The following NTRK1 variants were observed in gnomAD, a reference collection of about 807,000 sequenced individuals.
NTRK1 encodes the protein high affinity nerve growth factor receptor.
Under a neutral mutation model 86.8 loss-of-function variants are expected in NTRK1, and 62 were observed. The ratio of observed to expected loss-of-function variants is 0.71; its 90% CI spans 0.58 to 0.88. The LOEUF (loss-of-function observed/expected upper bound fraction) is 0.88, where lower values mean the gene tolerates loss of function less well. NTRK1 is among the 40% of genes least tolerant of loss of function. The pLI is 0.00. For missense variants in NTRK1, 967 were observed against 1,078.4 expected (o/e 0.90, Z 1.45); for synonymous variants, 469 against 456.6 (o/e 1.03, Z -0.35).
rs1220748773 is a variant in NTRK1 at position 156,864,841 on chromosome 1, A to T, written c.359+42A>T. Reference sequence around the variant, plus strand: ...CTGGGCAGTGGGAGTTGGGGAGGACACCCAGACTTGGGCTGCTAATGGGCT... The same window carrying T: ...CTGGGCAGTGGGAGTTGGGGAGGACTCCCAGACTTGGGCTGCTAATGGGCT... On this transcript the variant is annotated intron_variant, in intron 3 of 16. Coordinates refer to ENST00000524377, the MANE Select transcript of NTRK1 (RefSeq NM_002529.4). 3 of 1,584,198 alleles carry T rather than the reference A, an allele frequency of 1.9e-6. No individual in the cohort carries two copies. In the Admixed American group the frequency reaches 5.3e-5, roughly 28 times the overall value.
At chr1:156,846,198 G>A in intron 2 of NTRK1, 1 of 1,405,298 alleles carries the variant, frequency 7.1e-7, no homozygotes, top group Non-Finnish European at 9.5e-7. Context: ...CCTCCTTTCT[G>A]GGGTCCAACA....
chr1:156,855,950 T>C (rs1426835614), upstream of NTRK1, among the ~76,000 whole-genome samples: 1 of 151,994 alleles, frequency 6.6e-6, no homozygotes, highest in Non-Finnish European at 1.5e-5. Context: ...TGTATGTGTA[T>C]AATATTTTGA....
intron 2 of NTRK1, chr1:156,845,629 T>C: frequency 6.6e-7 from 1 of 1,512,588 alleles, no homozygotes; most frequent in Non-Finnish European, 8.9e-7. Flanking sequence ...ATGGGGATGG[T>C]GATCGCGTTG....
intron 2 of NTRK1, chr1:156,843,007 A>G: frequency 6.2e-7 from 1 of 1,611,514 alleles, no homozygotes. Flanking sequence ...CCCTTACCAC[A>G]TGGTGACACT....
rs6337 is a variant in NTRK1 at position 156,879,203 on chromosome 1, C to T, written c.1887C>T (p.Ala629=). The T allele has an allele frequency of 0.65, 1,055,962 of 1,613,480 alleles. 369,340 individuals carry two copies. Among genetic ancestry groups the T allele is most frequent in the Non-Finnish European group, 0.73 (856,071 of 1,179,748 alleles). The part of the protein sequence containing the change: ...PGPLGLGQLL[A]VASQVAAGMV... ...CCCTGGGTCTGGGGCAGCTGCTGGC[C>T]GTGGCTAGCCAGGTCGCTGCGGGGA... Residue 629 remains alanine, a synonymous_variant, in exon 15 of 17, where the codon GCC becomes GCT. Coordinates refer to ENST00000524377, the MANE Select transcript of NTRK1 (RefSeq NM_002529.4).
intron 3 of NTRK1, among the ~76,000 whole-genome samples, chr1:156,865,275 T>C (rs1008295295): frequency 6.6e-5 from 10 of 152,130 alleles, no homozygotes; most frequent in African/African-American, 2.2e-4. Flanking sequence ...CCCAACTTTT[T>C]TGGCACCAGA....
chr1:156,819,760 C>A (rs1654132554), intron 1 of NTRK1, among the ~76,000 whole-genome samples: 1 of 152,078 alleles, frequency 6.6e-6, no homozygotes, highest in Admixed American at 6.6e-5. Flanking sequence ...CTCAGGTGAT[C>A]CACCCGCTTT....
At chr1:156,841,658 G>A (rs775010265) in intron 1 of NTRK1, 65 of 1,613,324 alleles carry the variant, frequency 4.0e-5, no homozygotes, top group Non-Finnish European at 5.4e-5. Flanking sequence ...CTCCAGCTCG[G>A]CCCCACCAGA....
intron 1 of NTRK1, among the ~76,000 whole-genome samples, chr1:156,820,921 G>A (rs546612045): frequency 2.6e-5 from 4 of 152,300 alleles, no homozygotes; most frequent in African/African-American, 9.6e-5. Context: ...CATGAGGATG[G>A]ACTGTGTTTC....
At chr1:156,866,781 C>CTGGT in intron 3 of NTRK1, 129 bp from the exon 4 acceptor site, 1 of 685,620 alleles carries the variant, frequency 1.5e-6, no homozygotes, top group Non-Finnish European at 2.5e-6. Flanking sequence ...AGGGCTGGTT[C>CTGGT]TGGTTGCCTA....
At chr1:156,867,814 C>T (rs918062707) in intron 4 of NTRK1, among the ~76,000 whole-genome samples, 1 of 151,996 alleles carries the variant, frequency 6.6e-6, no homozygotes, top group Non-Finnish European at 1.5e-5. Context: ...GGTGGGACTA[C>T]AGGTGCCCGC....
rs1655341655 is a variant in NTRK1 at position 156,854,452 on chromosome 1, G to A, written c.51-9902G>A. Reference sequence around the variant, plus strand: ...CTGGGTGTGGGGTGGCCTCCTTCCTGGGCCCCGGAGGGCTCACCTGCAGCC... The same window carrying A: ...CTGGGTGTGGGGTGGCCTCCTTCCTAGGCCCCGGAGGGCTCACCTGCAGCC... On this transcript the variant is annotated intron_variant, in intron 2 of 16. Coordinates refer to the NTRK1 transcript ENST00000392302. The surrounding 1 kb of genome is among the most constrained non-coding windows in gnomAD (Gnocchi z 4.2). 2.5e-6 allele frequency: 2 copies of A among 788,144 alleles called. No homozygotes were observed. The highest frequency in any genetic ancestry group is 3.9e-6 in the Non-Finnish European group (2 of 508,414). The allele number at this position is 788,144 out of a possible 1,614,324, so 48.8% of individuals were successfully genotyped here.
chr1:156,851,291 C>A (rs986282755), intron 2 of NTRK1: 1 of 1,614,154 alleles, frequency 6.2e-7, no homozygotes, highest in Admixed American at 1.7e-5. Flanking sequence ...AACCCTTACC[C>A]ATCCACCATG....
intron 2 of NTRK1, chr1:156,846,453 G>T: frequency 1.5e-6 from 2 of 1,303,572 alleles, no homozygotes; most frequent in Non-Finnish European, 2.2e-6. Context: ...TATTTCTGGT[G>T]CCTGTGCTCC....
intron 2 of NTRK1, among the ~76,000 whole-genome samples, chr1:156,847,867 CTT>C (rs947377079): frequency 6.6e-6 from 1 of 152,194 alleles, no homozygotes; most frequent in African/African-American, 2.4e-5. Context: ...GTTCTCTGCT[CTT>C]TGAGCCCAGA....
intron 1 of NTRK1, among the ~76,000 whole-genome samples, chr1:156,825,046 C>A (rs951201331): frequency 1.3e-5 from 2 of 152,190 alleles, no homozygotes; most frequent in African/African-American, 2.4e-5. Flanking sequence ...TGCGCCACCA[C>A]GCCCGGCTAA....
chr1:156,862,850 G>A (rs1190574651), intron 1 of NTRK1, among the ~76,000 whole-genome samples: 5 of 152,020 alleles, frequency 3.3e-5, no homozygotes, highest in African/African-American at 9.7e-5. Flanking sequence ...GGCCTCCCTC[G>A]GAGTCAGTGG....
intron 7 of NTRK1, among the ~76,000 whole-genome samples, chr1:156,872,252 T>A (rs1254465034): frequency 1.3e-5 from 2 of 152,212 alleles, no homozygotes; most frequent in Non-Finnish European, 2.9e-5. Flanking sequence ...TTTTAAACAA[T>A]AATTACTCTT....
rs1648170468 is a variant in NTRK1 at position 156,880,098 on chromosome 1, G to T, written c.2146G>T (p.Val716Leu). 6.2e-7 allele frequency: 1 copy of T among 1,613,372 alleles called. No individual in the cohort carries two copies. Among genetic ancestry groups the T allele is most frequent in the Non-Finnish European group, 8.5e-7 (1 of 1,179,926 alleles). ...GAGCGACGTGTGGAGCTTCGGCGTG[G>T]TGCTCTGGGAGATCTTCACCTACGG... The part of the protein sequence containing the change: ...TESDVWSFGV[V>L]LWEIFTYGKQ... The change falls in exon 16 of 17, where the codon GTG becomes TTG. Residue 716 changes from valine to leucine, a missense_variant. Val to Leu is a conservative substitution (Grantham distance 32). Around this residue, in one of 2 missense-constraint regions of NTRK1, gnomAD observed 637 missense variants for 776.5 expected, o/e 0.82. Transcript: ENST00000524377.
Sources: allele counts gnomAD v4.1 joint callset (sites outside exome capture counted in the v4.1 genomes callset), GRCh38; gene constraint gnomAD v4.1.1; regional missense constraint gnomAD v4.1.1; non-coding constraint Gnocchi (gnomAD v3.1); transcripts MANE v1.5; gene names NCBI Gene and HGNC (gene_info 2026-07-23, HGNC 2026-07-21).